ATP2A2: variants seen among roughly 807,000 people sequenced by gnomAD.
The protein encoded by ATP2A2 is ATPase sarcoplasmic/endoplasmic reticulum Ca2+ transporting 2.
A neutral mutation model predicts 109.3 loss-of-function variants in ATP2A2; 14 were observed. The observed-to-expected ratio is 0.13, with a 90% CI of 0.08 to 0.20. The LOEUF (loss-of-function observed/expected upper bound fraction) is 0.20. Ranked by LOEUF, ATP2A2 falls within the 10% of genes least tolerant of loss-of-function variation. The pLI is 1.00. For missense variants in ATP2A2, 657 were observed against 1,321.6 expected (o/e 0.50, Z 7.80); for synonymous variants, 506 against 490.9 (o/e 1.03, Z -0.41).
At chr12:110,295,015 C>T (rs1291302316) in intron 4 of ATP2A2, among the ~76,000 whole-genome samples, 3 of 152,038 alleles carry the variant, frequency 2.0e-5, no homozygotes, top group Non-Finnish European at 4.4e-5. Context: ...GAGACAGTTT[C>T]ACCATGTTGG....
At chr12:110,326,559 C>A in intron 7 of ATP2A2, 84 bp downstream of exon 7, 1 of 1,224,756 alleles carries the variant, frequency 8.2e-7, no homozygotes, top group Non-Finnish European at 1.2e-6. Context: ...CCAACCATCA[C>A]TGGCTATCAT....
At position 110,350,950 on chromosome 12, in the gene ATP2A2, TTAA is replaced by T. The variant is rs1255176379; in HGVS notation, c.*4484_*4486del. ...ATACAAATATTGTGATGCATTTATC[TTAA>T]TAAAATGCTAAATGTCAATTTATCA... On this transcript the variant is annotated 3_prime_UTR_variant, in exon 20 of 20. Coordinates refer to ENST00000539276, the MANE Select transcript of ATP2A2 (RefSeq NM_170665.4). The T allele has an allele frequency of 6.5e-5, 10 of 153,408 alleles. No homozygotes were observed. In the East Asian group the frequency reaches 9.6e-4, roughly 15 times the overall value. The allele number at this position is 153,408 out of a possible 1,614,324, so 9.5% of individuals were successfully genotyped here. A position where few individuals can be genotyped will look rare whatever the true frequency, so the allele number is the denominator to read the frequency against.
At chr12:110,281,955 C>T in intron 1 of ATP2A2, 48 bp downstream of exon 1, 1 of 1,473,026 alleles carries the variant, frequency 6.8e-7, no homozygotes, top group Non-Finnish European at 9.2e-7. Context: ...GCCGGGAGAG[C>T]CAGGGAAGAT....
intron 4 of ATP2A2, chr12:110,296,117 G>A (rs1371708188): frequency 6.0e-6 from 1 of 166,132 alleles, no homozygotes; most frequent in African/African-American, 2.4e-5. Context: ...TTTTTGTTTT[G>A]TTTTGTTTTG....
chr12:110,300,575 C>T (rs545150903), intron 5 of ATP2A2, among the ~76,000 whole-genome samples: 3 of 149,342 alleles, frequency 2.0e-5, no homozygotes, highest in South Asian at 2.1e-4. Context: ...AGGATGACCT[C>T]GTGATCCTCC....
chr12:110,286,200 GGCATGAACCACTGCGCCTGGCCTAA>G (rs1176193414), intron 3 of ATP2A2, among the ~76,000 whole-genome samples: 1 of 152,174 alleles, frequency 6.6e-6, no homozygotes, highest in Non-Finnish European at 1.5e-5. Flanking sequence ...TGGGATTACA[GGCATGAACCACTGCGCCTGGCCTAA>G]GTTAGTGCTT....
At chr12:110,341,106 G>C (rs1028434197) in intron 14 of ATP2A2, 112 bp downstream of exon 14, 36 of 1,173,144 alleles carry the variant, frequency 3.1e-5, no homozygotes, top group Non-Finnish European at 3.6e-5. Context: ...AATTTGTCAT[G>C]ATTTGGGTCT....
At chr12:110,345,628 C>T (rs1879774716) in intron 18 of ATP2A2, 2 of 623,002 alleles carry the variant, frequency 3.2e-6, no homozygotes, top group African/African-American at 1.8e-5. Flanking sequence ...AAAATAGGAA[C>T]TTTGGTACCC....
chr12:110,288,456 G>A (rs1872900072), intron 3 of ATP2A2, among the ~76,000 whole-genome samples: 1 of 151,462 alleles, frequency 6.6e-6, no homozygotes, highest in Non-Finnish European at 1.5e-5. Context: ...CCAGGCTGGA[G>A]TGCAATGGCG....
At chr12:110,283,012 TAGG>T (rs1872306516) in intron 3 of ATP2A2, among the ~76,000 whole-genome samples, 1 of 152,222 alleles carries the variant, frequency 6.6e-6, no homozygotes, top group South Asian at 2.1e-4. Context: ...ACAGTGTGGT[TAGG>T]AGTTGTCCCA....
rs375275623 is a variant in ATP2A2, at chr12:110,344,908, G to C, written c.2544G>C (p.Val848=). 4 of 1,614,078 alleles carry C rather than the reference G, an allele frequency of 2.5e-6. No homozygotes were observed. The highest frequency in any genetic ancestry group is 2.5e-6 in the Non-Finnish European group (3 of 1,180,042). Residue 848 remains valine, a synonymous_variant, in exon 17 of 20, where the codon GTG becomes GTC. Coordinates refer to ENST00000539276, the MANE Select transcript of ATP2A2 (RefSeq NM_170665.4). Reference sequence around the variant, plus strand: ...CAGGTTACGTCGGCGCTGCTACCGTGGGTGCTGCTGCATGGTGGTTCATTG... The same window carrying C: ...CAGGTTACGTCGGCGCTGCTACCGTCGGTGCTGCTGCATGGTGGTTCATTG... ...AIGCYVGAAT[V]GAAAWWFIAA...
chr12:110,316,650 T>C lies in ATP2A2; in HGVS notation c.464-6342T>C, dbSNP rs1876699366. 4.6e-5 allele frequency among the ~76,000 whole-genome samples: 7 copies of C among 152,256 alleles called. No individual in the cohort carries two copies. The South Asian group carries it at 1.4e-3, about 32-fold the overall frequency. The stretch of plus-strand genomic sequence containing the variant: ...GAGTGACTCTGCCTTTATGGAGCTT[T>C]TGGTTTTAGTGGGGAAGATTCATGA... On this transcript the variant is annotated intron_variant, in intron 5 of 19. Transcript: ENST00000539276.
At chr12:110,318,960 A>G (rs1876953294) in intron 5 of ATP2A2, among the ~76,000 whole-genome samples, 2 of 152,212 alleles carry the variant, frequency 1.3e-5, no homozygotes, top group South Asian at 2.1e-4. Flanking sequence ...AAAGCTGTTC[A>G]TAGGATCCAT....
intron 2 of ATP2A2, 28 bp from the exon 3 acceptor site, chr12:110,282,685 T>C: frequency 6.2e-7 from 1 of 1,613,724 alleles, no homozygotes. Context: ...AAGATGACAG[T>C]TAAAACACAT....
intron 11 of ATP2A2, among the ~76,000 whole-genome samples, chr12:110,337,059 A>T (rs530136424): frequency 6.6e-6 from 1 of 152,274 alleles, no homozygotes; most frequent in South Asian, 2.1e-4. Context: ...CTGGCTCACT[A>T]GCCAGTGACC....
intron 5 of ATP2A2, among the ~76,000 whole-genome samples, chr12:110,300,643 C>CTTT (rs537191134): frequency 9.9e-5 from 13 of 131,230 alleles, no homozygotes; most frequent in Admixed American, 1.6e-4. Flanking sequence ...CATGCCCGGC[C>CTTT]TTTTTTTTTT....
At position 110,292,040 on chromosome 12, in the gene ATP2A2, A is replaced by G; in HGVS notation, c.240A>G (p.Glu80=). ...TCTAGGTTTTGGCTTGGTTTGAAGA[A>G]GGTGAAGAAACAATTACAGCCTTTG... The part of the protein sequence containing the change: ...CISFVLAWFE[E]GEETITAFVE... The change falls in exon 4 of 20, where the codon GAA becomes GAG. Residue 80 remains glutamate (E), a synonymous_variant. Transcript: ENST00000539276. The G allele has an allele frequency of 6.2e-7, 1 of 1,614,164 alleles. No individual in the cohort carries two copies. Among genetic ancestry groups the G allele is most frequent in the Non-Finnish European group, 8.5e-7 (1 of 1,180,010 alleles).
At chr12:110,287,156 G>A (rs1404385027) in intron 3 of ATP2A2, among the ~76,000 whole-genome samples, 1 of 152,168 alleles carries the variant, frequency 6.6e-6, no homozygotes, top group African/African-American at 2.4e-5. Flanking sequence ...AGGAGGCTGA[G>A]GCAGGAGAAT....
In ATP2A2 at chr12:110,346,684, G is replaced by A; in HGVS notation, c.*214G>A. On this transcript the variant is annotated 3_prime_UTR_variant, in exon 20 of 20. Coordinates refer to ENST00000539276, the MANE Select transcript of ATP2A2 (RefSeq NM_170665.4). ...TAAAGTGTCCATTGACATGTACAGA[G>A]AACTAACACTATTTTATGCAAATAT... The A allele has an allele frequency of 7.0e-7, 1 of 1,422,182 alleles. No individual in the cohort carries two copies. The highest frequency in any genetic ancestry group is 1.5e-5 in the South Asian group (1 of 65,408). 88.1% of individuals were successfully genotyped at this position (1,422,182 alleles called of 1,614,324 possible).
Sources: allele counts gnomAD v4.1 joint callset (sites outside exome capture counted in the v4.1 genomes callset), GRCh38; gene constraint gnomAD v4.1.1; transcripts MANE v1.5; gene names NCBI Gene and HGNC (gene_info 2026-07-23, HGNC 2026-07-21).